LIMA1: variants seen among roughly 807,000 people sequenced by gnomAD.
The protein encoded by LIMA1 is LIM domain and actin-binding protein 1.
In LIMA1, 52 loss-of-function variants were observed where a neutral mutation model predicts 62.6. The observed-to-expected ratio is 0.83, with a 90% CI of 0.67 to 1.05. LIMA1 has a LOEUF of 1.05. LIMA1 is among the 50% of genes least tolerant of loss of function. The pLI, the probability that LIMA1 is intolerant of heterozygous loss-of-function variation, is 0.00. For missense variants in LIMA1, 780 were observed against 902.2 expected (o/e 0.86, Z 1.74); for synonymous variants, 302 against 317.8 (o/e 0.95, Z 0.53).
At chr12:50,183,306 A>G (rs1366990660) in intron 9 of LIMA1, among the ~76,000 whole-genome samples, 2 of 152,184 alleles carry the variant, frequency 1.3e-5, no homozygotes, top group Non-Finnish European at 2.9e-5. Context: ...CTTGCCCAAC[A>G]CAAACACCTC....
At chr12:50,269,839 G>C (rs1942182731) in intron 1 of LIMA1, among the ~76,000 whole-genome samples, 1 of 148,366 alleles carries the variant, frequency 6.7e-6, no homozygotes, top group African/African-American at 2.5e-5. Context: ...AGAATCGCTT[G>C]AACCTGGGAG....
At chr12:50,190,682 A>ATTTTTT (rs762182699) in intron 9 of LIMA1, among the ~76,000 whole-genome samples, 3 of 93,036 alleles carry the variant, frequency 3.2e-5, no homozygotes, top group Non-Finnish European at 6.6e-5. Context: ...ACCCGGCCTC[A>ATTTTTT]TTTTTTTTTT....
intron 7 of LIMA1, among the ~76,000 whole-genome samples, chr12:50,198,093 AT>A (rs1565836006): frequency 1.3e-5 from 2 of 152,118 alleles, no homozygotes; most frequent in African/African-American, 4.8e-5. Context: ...AACTATTCTA[AT>A]ATTTTTTTCT....
intron 9 of LIMA1, among the ~76,000 whole-genome samples, chr12:50,190,419 G>A (rs570890608): frequency 2.7e-5 from 4 of 150,040 alleles, no homozygotes; most frequent in South Asian, 2.1e-4. Context: ...CCAGGCTGGA[G>A]TGCAATGGCA....
intron 3 of LIMA1, among the ~76,000 whole-genome samples, chr12:50,226,029 T>A (rs1312996306): frequency 3.3e-5 from 5 of 152,162 alleles, no homozygotes; most frequent in Admixed American, 6.6e-5. Context: ...ACTTCTTTGT[T>A]ATCTATTTTA....
intron 2 of LIMA1, among the ~76,000 whole-genome samples, chr12:50,238,431 CA>C (rs766937310): frequency 3.6e-4 from 55 of 151,772 alleles, no homozygotes; most frequent in Middle Eastern, 3.4e-3. Flanking sequence ...CATTTGAACC[CA>C]GGAGGTGGAG....
At chr12:50,214,024 C>CCA (rs10632810) in intron 4 of LIMA1, among the ~76,000 whole-genome samples, 3,663 of 104,478 alleles carry the variant, frequency 0.035, 114 homozygotes, top group African/African-American at 0.089. Context: ...TATTATCTTA[C>CCA]CACACACACA....
intron 4 of LIMA1, among the ~76,000 whole-genome samples, chr12:50,218,750 T>C (rs1018644886): frequency 3.3e-5 from 5 of 151,970 alleles, no homozygotes; most frequent in African/African-American, 1.2e-4. Flanking sequence ...CATAAAAAAT[T>C]TTAAAAATTA....
chr12:50,200,925 C>T (rs1280356634), intron 6 of LIMA1, 41 bp from the exon 7 acceptor site: 1 of 1,605,964 alleles, frequency 6.2e-7, no homozygotes, highest in East Asian at 2.2e-5. Flanking sequence ...TTTAAAGTCC[C>T]ATCATTCTGT....
At chr12:50,229,428 A>C (rs865899119) in intron 3 of LIMA1, among the ~76,000 whole-genome samples, 1 of 152,180 alleles carries the variant, frequency 6.6e-6, no homozygotes, top group African/African-American at 2.4e-5. Flanking sequence ...CATTCTCAGC[A>C]AACTATCGCA....
At position 50,272,592 on chromosome 12, in the gene LIMA1, C is replaced by CAA. The variant is rs1004308971; in HGVS notation, c.-24+10826_-24+10827dup. Among the ~76,000 whole-genome samples, 267 of 95,358 alleles carry CAA rather than the reference C, an allele frequency of 2.8e-3. 1 individual carries two copies. The highest frequency in any genetic ancestry group is 6.3e-3 in the African/African-American group (159 of 25,272). 62.6% of individuals were successfully genotyped at this position (95,358 alleles called of 152,430 possible). On this transcript the variant is annotated intron_variant, in intron 1 of 10. Coordinates refer to ENST00000341247, the MANE Select transcript of LIMA1 (RefSeq NM_016357.5). The stretch of plus-strand genomic sequence containing the variant: ...GGGCAACAAGAGCGAAACTCCGTCT[C>CAA]AAAAAAAAAAAAAAAAAATCTGAGC...
intron 1 of LIMA1, among the ~76,000 whole-genome samples, chr12:50,250,825 C>G (rs1408648696): frequency 6.6e-6 from 1 of 152,064 alleles, no homozygotes; most frequent in East Asian, 1.9e-4. Flanking sequence ...AAAAGTTTCC[C>G]TAAAACTTGG....
intron 1 of LIMA1, among the ~76,000 whole-genome samples, chr12:50,268,056 T>C (rs1185881626): frequency 1.3e-5 from 2 of 152,218 alleles, no homozygotes; most frequent in South Asian, 2.1e-4. Context: ...TGTAACTCCT[T>C]GTACAATTGG....
chr12:50,264,239 T>C (rs1942112420), intron 1 of LIMA1, among the ~76,000 whole-genome samples: 1 of 152,110 alleles, frequency 6.6e-6, no homozygotes, highest in Admixed American at 6.6e-5. Context: ...TGACTGCTGA[T>C]GGGTATGAAT....
chr12:50,211,267 G>A (rs1029839675), intron 4 of LIMA1, among the ~76,000 whole-genome samples: 33 of 148,728 alleles, frequency 2.2e-4, no homozygotes, highest in East Asian at 7.8e-4. Context: ...AGGTTGCAGC[G>A]AGCCAAGATC....
At chr12:50,267,527 CT>C (rs1160716291) in intron 1 of LIMA1, among the ~76,000 whole-genome samples, 42 of 128,974 alleles carry the variant, frequency 3.3e-4, no homozygotes, top group Non-Finnish European at 2.9e-4. Context: ...GCCACATTTA[CT>C]TTTTTTTTTT....
At chr12:50,179,302 C>T (rs1372216595) in intron 10 of LIMA1, among the ~76,000 whole-genome samples, 9 of 151,844 alleles carry the variant, frequency 5.9e-5, no homozygotes, top group African/African-American at 1.2e-4. Context: ...CCACCATGCA[C>T]GGCAAATTTT....
chr12:50,225,460 T>C (rs1340734130), intron 3 of LIMA1, among the ~76,000 whole-genome samples: 2 of 152,256 alleles, frequency 1.3e-5, no homozygotes, highest in African/African-American at 4.8e-5. Context: ...TGTATTTTTT[T>C]GTACAAAATC....
chr12:50,263,861 A>AGAG (rs1565863080), intron 1 of LIMA1, among the ~76,000 whole-genome samples: 3 of 125,786 alleles, frequency 2.4e-5, no homozygotes, highest in Non-Finnish European at 4.8e-5. Context: ...TAGAGAGTAT[A>AGAG]TATATATATA....
Sources: gnomAD v4.1 joint callset for allele counts (sites outside exome capture counted in the v4.1 genomes callset) on GRCh38, gnomAD v4.1.1 for gene constraint, MANE v1.5 for transcripts, NCBI Gene and HGNC (gene_info 2026-07-23, HGNC 2026-07-21) for gene names.